Variants in DNAI4 observed in about 807,000 individuals in gnomAD.
DNAI4 encodes the protein dynein axonemal intermediate chain 4.
Under a neutral mutation model 105.8 loss-of-function variants are expected in DNAI4, and 85 were observed. That is an observed-to-expected ratio of 0.80 (90% confidence interval 0.67 to 0.96). The LOEUF (loss-of-function observed/expected upper bound fraction) is 0.96, where lower values mean the gene tolerates loss of function less well. DNAI4 is among the 40% of genes least tolerant of loss of function. The pLI is 0.00. For synonymous variants in DNAI4, 352 were observed against 331.5 expected (o/e 1.06, Z -0.67); for missense variants, 1,014 against 1,005.6 (o/e 1.01, Z -0.11).
intron 4 of DNAI4, among the ~76,000 whole-genome samples, chr1:66,877,646 A>G (rs1464640590): frequency 6.6e-6 from 1 of 152,092 alleles, no homozygotes; most frequent in East Asian, 1.9e-4. Flanking sequence ...TTTTATTCTA[A>G]TTTCCTTAAA....
intron 7 of DNAI4, among the ~76,000 whole-genome samples, chr1:66,852,860 C>A (rs996979330): frequency 6.6e-6 from 1 of 152,094 alleles, no homozygotes; most frequent in South Asian, 2.1e-4. Context: ...GAAAAAGATA[C>A]CTCCAGAGAG....
At chr1:66,814,926 A>T (rs1645485979) in intron 16 of DNAI4, among the ~76,000 whole-genome samples, 1 of 152,200 alleles carries the variant, frequency 6.6e-6, no homozygotes, top group Non-Finnish European at 1.5e-5. Context: ...GGGTAAAATG[A>T]TCATATATAA....
At chr1:66,866,985 G>A (rs1014967959) in intron 6 of DNAI4, among the ~76,000 whole-genome samples, 2 of 152,106 alleles carry the variant, frequency 1.3e-5, no homozygotes, top group African/African-American at 4.8e-5. Context: ...GAGCGAAGGG[G>A]GAAGCCCCTT....
intron 16 of DNAI4, among the ~76,000 whole-genome samples, 191 bp downstream of exon 16, chr1:66,822,170 A>G (rs1320522285): frequency 7.3e-6 from 1 of 137,900 alleles, no homozygotes; most frequent in Non-Finnish European, 1.6e-5. Flanking sequence ...TTACAGATAA[A>G]TAAGACGAGG....
intron 3 of DNAI4, among the ~76,000 whole-genome samples, 165 bp downstream of exon 3, chr1:66,893,063 GA>G (rs1647916749): frequency 1.1e-5 from 1 of 89,552 alleles, no homozygotes; most frequent in Non-Finnish European, 2.2e-5. Context: ...AAGAGAGAGA[GA>G]GAAAGAAAGA....
chr1:66,912,590 A>G (rs1200083201), intron 1 of DNAI4, among the ~76,000 whole-genome samples: 2 of 152,172 alleles, frequency 1.3e-5, no homozygotes, highest in Non-Finnish European at 2.9e-5. Context: ...TACTTCTTAC[A>G]TATACTGAAT....
chr1:66,850,563 T>C (rs1190939027), intron 7 of DNAI4, among the ~76,000 whole-genome samples: 1 of 152,002 alleles, frequency 6.6e-6, no homozygotes, highest in Non-Finnish European at 1.5e-5. Flanking sequence ...AAATAGAATA[T>C]ACTTCTTATT....
intron 15 of DNAI4, among the ~76,000 whole-genome samples, chr1:66,825,346 A>AT (rs1330473287): frequency 5.3e-5 from 8 of 150,242 alleles, no homozygotes; most frequent in Admixed American, 2.0e-4. Flanking sequence ...CGCCCGGCTA[A>AT]TTTTTTTTGT....
chr1:66,855,609 C>T (rs906279633), intron 7 of DNAI4, among the ~76,000 whole-genome samples: 49 of 151,912 alleles, frequency 3.2e-4, no homozygotes, highest in African/African-American at 1.1e-3. Flanking sequence ...GAAAATTATC[C>T]GAGATAAAGA....
intron 6 of DNAI4, among the ~76,000 whole-genome samples, chr1:66,862,766 A>G (rs1237024974): frequency 1.3e-5 from 2 of 152,158 alleles, no homozygotes; most frequent in Non-Finnish European, 2.9e-5. Flanking sequence ...ATATTTTCTG[A>G]CCATCACACC....
intron 1 of DNAI4, chr1:66,919,178 TG>T: frequency 2.4e-6 from 1 of 409,910 alleles, no homozygotes; most frequent in South Asian, 1.8e-5. Context: ...CAGTACTTCC[TG>T]GGGCTGTATC....
intron 11 of DNAI4, among the ~76,000 whole-genome samples, chr1:66,835,179 A>C (rs1645954622): frequency 6.7e-6 from 1 of 149,990 alleles, no homozygotes. Flanking sequence ...CAAGGAACTT[A>C]TACCCTCCTT....
chr1:66,916,315 A>T (rs865843463), intron 1 of DNAI4, among the ~76,000 whole-genome samples: 1 of 152,120 alleles, frequency 6.6e-6, no homozygotes, highest in Non-Finnish European at 1.5e-5. Context: ...AATTTTTTTT[A>T]AATTAAGGTT....
At chr1:66,829,148 T>A (rs1645815911) in intron 13 of DNAI4, among the ~76,000 whole-genome samples, 1 of 152,170 alleles carries the variant, frequency 6.6e-6, no homozygotes, top group Non-Finnish European at 1.5e-5. Context: ...CAGAGTCCTG[T>A]CTCAAGATAA....
At chr1:66,883,268 T>C (rs1220244567) in intron 4 of DNAI4, among the ~76,000 whole-genome samples, 1 of 151,496 alleles carries the variant, frequency 6.6e-6, no homozygotes, top group East Asian at 1.9e-4. Context: ...TTTTATTTCT[T>C]GCCTTCCAAT....
rs1645463220 is a variant in DNAI4 at position 66,814,093 on chromosome 1, T to A, written c.*37A>T. 1.9e-6 allele frequency: 3 copies of A among 1,560,322 alleles called. No individual in the cohort carries two copies. Among genetic ancestry groups the A allele is most frequent in the Non-Finnish European group, 1.7e-6 (2 of 1,157,154 alleles). Reference sequence around the variant, plus strand: ...AGAATATTGGATGTTAATTCCTTTTTTAAAACAACTACAAGAAAAATATTA... The same window carrying A: ...AGAATATTGGATGTTAATTCCTTTTATAAAACAACTACAAGAAAAATATTA... On this transcript the variant is annotated 3_prime_UTR_variant, in exon 17 of 17. Coordinates refer to ENST00000371026, the MANE Select transcript of DNAI4 (RefSeq NM_024763.5).
chr1:66,886,810 T>C (rs1012606640), intron 4 of DNAI4, among the ~76,000 whole-genome samples: 15 of 152,174 alleles, frequency 9.9e-5, no homozygotes, highest in Non-Finnish European at 1.9e-4. Context: ...GGCTGCAACA[T>C]TTCCAATGGA....
chr1:66,897,250 G>C (rs1648411412), intron 2 of DNAI4, among the ~76,000 whole-genome samples: 1 of 152,272 alleles, frequency 6.6e-6, no homozygotes, highest in African/African-American at 2.4e-5. Context: ...TAGGATACCT[G>C]GCAAAATAAA....
At chr1:66,891,595 G>A (rs1647653404) in intron 3 of DNAI4, among the ~76,000 whole-genome samples, 1 of 152,214 alleles carries the variant, frequency 6.6e-6, no homozygotes. Context: ...CTGAGTGGCT[G>A]GGATTACAGG....
Sources: gnomAD v4.1 joint callset for allele counts (sites outside exome capture counted in the v4.1 genomes callset) on GRCh38, gnomAD v4.1.1 for gene constraint, MANE v1.5 for transcripts, NCBI Gene and HGNC (gene_info 2026-07-23, HGNC 2026-07-21) for gene names.